Variants in SLC44A1 observed in about 807,000 individuals in gnomAD.
The protein encoded by SLC44A1 is solute carrier family 44 member 1, also known as choline transporter-like protein 1.
In SLC44A1, 26 loss-of-function variants were observed where a neutral mutation model predicts 79.3. The ratio of observed to expected loss-of-function variants is 0.33; its 90% CI spans 0.24 to 0.46. SLC44A1 has a LOEUF of 0.46. SLC44A1 is among the 20% of genes least tolerant of loss of function. The pLI is 1.00. For synonymous variants in SLC44A1, 263 were observed against 286.2 expected, an observed-to-expected ratio of 0.92 and a Z score of 0.82; for missense variants, 688 against 798.1, an observed-to-expected ratio of 0.86 and a Z score of 1.66.
Position 105,391,857 on chromosome 9 carries a change from A to G in SLC44A1, c.*2801A>G, listed in dbSNP as rs1363729683. ...TGGTTTTTGTCTTCTTCTGTGGTGA[A>G]TCTTCAAAACTGTATTCAGGACTCA... is the stretch of plus-strand genomic sequence containing the variant. On this transcript the variant is annotated 3_prime_UTR_variant, in exon 16 of 16. Transcript: ENST00000374720. 1.0e-6 allele frequency: 1 copy of G among 985,200 alleles called. No homozygotes were observed. The highest frequency in any genetic ancestry group is 1.7e-5 in the African/African-American group (1 of 57,198). 61.0% of individuals were successfully genotyped at this position (985,200 alleles called of 1,614,324 possible).
intron 1 of SLC44A1, among the ~76,000 whole-genome samples, chr9:105,255,651 A>C (rs1015575371): frequency 1.3e-5 from 2 of 152,158 alleles, no homozygotes; most frequent in African/African-American, 4.8e-5. Flanking sequence ...CCTTCCTCAG[A>C]AGTCCTTTCA....
chr9:105,353,285 TAA>T, intron 5 of SLC44A1, among the ~76,000 whole-genome samples: 1 of 152,176 alleles, frequency 6.6e-6, no homozygotes, highest in Non-Finnish European at 1.5e-5. Flanking sequence ...GGCCAACTGT[TAA>T]TAAACAGTGT....
At chr9:105,365,908 C>T (rs1764754747) in intron 11 of SLC44A1, among the ~76,000 whole-genome samples, 1 of 152,178 alleles carries the variant, frequency 6.6e-6, no homozygotes, top group African/African-American at 2.4e-5. Context: ...TTCTTCCCTT[C>T]CTTGACTGTG....
chr9:105,255,078 C>G (rs1451456924), intron 1 of SLC44A1, among the ~76,000 whole-genome samples: 1 of 149,622 alleles, frequency 6.7e-6, no homozygotes, highest in East Asian at 1.9e-4. Context: ...TTTGTTTTAA[C>G]CTGCTTACTT....
chr9:105,317,528 G>A (rs1426740715), intron 3 of SLC44A1, among the ~76,000 whole-genome samples: 1 of 152,074 alleles, frequency 6.6e-6, no homozygotes, highest in African/African-American at 2.4e-5. Flanking sequence ...ACGAAGAGGT[G>A]ACTAGATGGT....
chr9:105,312,076 CCTTA>C (rs1156927412), intron 3 of SLC44A1, among the ~76,000 whole-genome samples: 1 of 152,140 alleles, frequency 6.6e-6, no homozygotes, highest in Non-Finnish European at 1.5e-5. Context: ...TTCTCCTGTT[CCTTA>C]CTGTCAGCCG....
chr9:105,316,191 C>T (rs763621135), intron 3 of SLC44A1, among the ~76,000 whole-genome samples: 1 of 151,986 alleles, frequency 6.6e-6, no homozygotes, highest in Non-Finnish European at 1.5e-5. Context: ...AATCATCATA[C>T]AATCACAAAT....
intron 2 of SLC44A1, among the ~76,000 whole-genome samples, chr9:105,308,645 G>A (rs1831095512): frequency 6.6e-6 from 1 of 152,178 alleles, no homozygotes; most frequent in African/African-American, 2.4e-5. Flanking sequence ...TATGAGTATA[G>A]TATTTTCCAC....
chr9:105,406,092 T>G (rs1339885320), intron 15 of SLC44A1, among the ~76,000 whole-genome samples: 1 of 152,006 alleles, frequency 6.6e-6, no homozygotes, highest in Non-Finnish European at 1.5e-5. Context: ...AGTGCCCCCA[T>G]AAAGAATGAA....
chr9:105,330,626 C>T (rs988808266), intron 3 of SLC44A1, among the ~76,000 whole-genome samples: 5 of 152,200 alleles, frequency 3.3e-5, no homozygotes, highest in African/African-American at 1.2e-4. Flanking sequence ...ACCTTTGTCT[C>T]GTTTCCCTGT....
chr9:105,357,578 G>A lies in SLC44A1; in HGVS notation c.671-766G>A, dbSNP rs191966460. 1.5e-3 allele frequency among the ~76,000 whole-genome samples: 230 copies of A among 152,202 alleles called. 3 individuals are homozygous for A. The highest frequency in any genetic ancestry group is 1.2e-4 in the Non-Finnish European group (8 of 67,998). ...ATTTATAAATTATTATTTCAGAAAC[G>A]TATTTCCCATGCAAGGGTTAAATCT... is the stretch of plus-strand genomic sequence containing the variant. On this transcript the variant is annotated intron_variant, in intron 6 of 15. Transcript: ENST00000374720.
chr9:105,338,967 A>G (rs559702342), intron 4 of SLC44A1, among the ~76,000 whole-genome samples: 1 of 152,360 alleles, frequency 6.6e-6, no homozygotes, highest in South Asian at 2.1e-4. Flanking sequence ...GCCTAAATGT[A>G]AGAGCTAAAA....
Position 105,391,749 on chromosome 9 carries a change from G to A in SLC44A1, c.*2693G>A, listed in dbSNP as rs1828766648. 1 of 985,206 alleles carries A rather than the reference G, an allele frequency of 1.0e-6. No homozygotes were observed. The highest frequency in any genetic ancestry group is 1.2e-6 in the Non-Finnish European group (1 of 829,912). 61.0% of individuals were successfully genotyped at this position (985,206 alleles called of 1,614,324 possible). A position where few individuals can be genotyped will look rare whatever the true frequency, so the allele number is the denominator to read the frequency against. On this transcript the variant is annotated 3_prime_UTR_variant, in exon 16 of 16. Transcript: ENST00000374720. ...CTCACTGCTTCCATCTTCTGCCCAA[G>A]TGAGAAGAATAGATGAAGAACAGAA...
At chr9:105,325,991 G>GT (rs11390818) in intron 3 of SLC44A1, among the ~76,000 whole-genome samples, 14,708 of 152,230 alleles carry the variant, frequency 0.097, 1,768 homozygotes, top group African/African-American at 0.29. Context: ...TTATTTCTCA[G>GT]TATGAGTGCT....
intron 1 of SLC44A1, among the ~76,000 whole-genome samples, chr9:105,260,174 GTTC>G (rs1238126492): frequency 6.6e-5 from 10 of 152,146 alleles, no homozygotes; most frequent in Admixed American, 3.3e-4. Flanking sequence ...AGTTTGAGAG[GTTC>G]TTCTTGCTCA....
chr9:105,247,909 T>C (rs1337285637), intron 1 of SLC44A1, among the ~76,000 whole-genome samples: 2 of 152,192 alleles, frequency 1.3e-5, no homozygotes, highest in African/African-American at 4.8e-5. Context: ...ACCTGGACTG[T>C]TTAAGTTAAA....
chr9:105,344,816 T>G (rs1474873954), intron 4 of SLC44A1, among the ~76,000 whole-genome samples: 2 of 152,092 alleles, frequency 1.3e-5, no homozygotes, highest in African/African-American at 4.8e-5. Context: ...ATATGCCATG[T>G]TTTATCATAG....
intron 4 of SLC44A1, among the ~76,000 whole-genome samples, chr9:105,345,115 G>A (rs904656590): frequency 6.6e-6 from 1 of 152,192 alleles, no homozygotes; most frequent in Non-Finnish European, 1.5e-5. Flanking sequence ...TGAGGATAGA[G>A]ATATGATATG....
At chr9:105,341,159 AC>A (rs1827075084) in intron 4 of SLC44A1, among the ~76,000 whole-genome samples, 1 of 152,016 alleles carries the variant, frequency 6.6e-6, no homozygotes. Flanking sequence ...ACATGGTGAA[AC>A]CTCATCTCTA....
Sources: gnomAD v4.1 joint callset for allele counts (sites outside exome capture counted in the v4.1 genomes callset) on GRCh38, gnomAD v4.1.1 for gene constraint, MANE v1.5 for transcripts, NCBI Gene and HGNC (gene_info 2026-07-23, HGNC 2026-07-21) for gene names.